The following QTMAN variants were observed in gnomAD, a reference collection of about 807,000 sequenced individuals.
The protein encoded by QTMAN is queuosine-tRNA mannosyltransferase.
At chr2:144,228,402 T>C in the QTMAN span, among the ~76,000 whole-genome samples, 1 of 152,228 alleles carries the variant, frequency 6.6e-6, no homozygotes, top group African/African-American at 2.4e-5. Flanking sequence ...TTCCTCCATA[T>C]AAATCCATTT....
At chr2:144,325,018 C>T in the QTMAN span, among the ~76,000 whole-genome samples, 1 of 152,160 alleles carries the variant, frequency 6.6e-6, no homozygotes, top group Non-Finnish European at 1.5e-5. Flanking sequence ...ATAAAATTTT[C>T]ATTTCAAGTT....
the QTMAN span, among the ~76,000 whole-genome samples, chr2:144,136,934 C>A: frequency 2.6e-5 from 4 of 152,038 alleles, no homozygotes; most frequent in African/African-American, 9.7e-5. Context: ...GGCCTGGAAG[C>A]CTTCAGTATG....
chr2:144,254,019 T>C, the QTMAN span, among the ~76,000 whole-genome samples: 3 of 152,234 alleles, frequency 2.0e-5, no homozygotes, highest in African/African-American at 7.2e-5. Context: ...GCTCCAGCCA[T>C]GGCTAAAAGG....
the QTMAN span, among the ~76,000 whole-genome samples, chr2:144,248,865 T>C: frequency 2.0e-5 from 3 of 152,184 alleles, no homozygotes; most frequent in Non-Finnish European, 4.4e-5. Flanking sequence ...ACATATACTG[T>C]CTCTCAAACT....
chr2:144,176,761 A>G, the QTMAN span, among the ~76,000 whole-genome samples: 2 of 152,214 alleles, frequency 1.3e-5, no homozygotes, highest in Non-Finnish European at 2.9e-5. Context: ...ACTACTACTG[A>G]AGGAATCACA....
At chr2:144,296,486 T>G in the QTMAN span, among the ~76,000 whole-genome samples, 1 of 152,178 alleles carries the variant, frequency 6.6e-6, no homozygotes, top group Non-Finnish European at 1.5e-5. Flanking sequence ...CCTTTGGCTA[T>G]AAAATTATGA....
At chr2:144,219,505 C>A in the QTMAN span, among the ~76,000 whole-genome samples, 2 of 151,426 alleles carry the variant, frequency 1.3e-5, no homozygotes, top group East Asian at 2.0e-4. Context: ...CTTTAACATC[C>A]AAATCAACAA....
At chr2:144,221,699 T>G in the QTMAN span, among the ~76,000 whole-genome samples, 1 of 152,248 alleles carries the variant, frequency 6.6e-6, no homozygotes, top group Non-Finnish European at 1.5e-5. Context: ...ACTTCCCAAT[T>G]ACTGAAGGCG....
chr2:144,111,100 T>G, the QTMAN span, among the ~76,000 whole-genome samples: 1 of 152,210 alleles, frequency 6.6e-6, no homozygotes, highest in Non-Finnish European at 1.5e-5. Flanking sequence ...AATTGATTCT[T>G]GGCATAAATT....
the QTMAN span, chr2:143,941,704 A>G: frequency 6.6e-6 from 1 of 151,146 alleles, no homozygotes; most frequent in Non-Finnish European, 1.5e-5. Context: ...AATTGGCCAC[A>G]CTACATAGTC....
chr2:144,321,796 TG>T, the QTMAN span, among the ~76,000 whole-genome samples: 1 of 151,996 alleles, frequency 6.6e-6, no homozygotes, highest in African/African-American at 2.4e-5. Flanking sequence ...TTTGTAGAGA[TG>T]GGGTCTGGCT....
chr2:144,120,867 C>A, the QTMAN span, among the ~76,000 whole-genome samples: 1 of 152,166 alleles, frequency 6.6e-6, no homozygotes, highest in Non-Finnish European at 1.5e-5. Context: ...AATAGTGTTT[C>A]ATCTTCGTTA....
chr2:144,220,764 G>C, the QTMAN span, among the ~76,000 whole-genome samples: 1 of 152,126 alleles, frequency 6.6e-6, no homozygotes. Context: ...CAAACAGCCT[G>C]AATTATTTTA....
At chr2:143,955,567 TA>T in the QTMAN span, among the ~76,000 whole-genome samples, 1 of 152,222 alleles carries the variant, frequency 6.6e-6, no homozygotes, top group African/African-American at 2.4e-5. Context: ...AATGTAACCA[TA>T]ATGTACTGGA....
chr2:144,175,156 G>A, the QTMAN span, among the ~76,000 whole-genome samples: 2 of 151,990 alleles, frequency 1.3e-5, no homozygotes, highest in Non-Finnish European at 2.9e-5. Context: ...GAGAATACAG[G>A]TAAGAAAAAA....
chr2:144,166,870 T>A, the QTMAN span, among the ~76,000 whole-genome samples: 1 of 152,156 alleles, frequency 6.6e-6, no homozygotes, highest in South Asian at 2.1e-4. Flanking sequence ...TAACCTATGC[T>A]TCAGCCACAC....
At chr2:144,193,843 T>G in the QTMAN span, among the ~76,000 whole-genome samples, 21 of 152,196 alleles carry the variant, frequency 1.4e-4, no homozygotes, top group Admixed American at 7.2e-4. Context: ...AATATTTGAT[T>G]GCTGATATTT....
the QTMAN span, among the ~76,000 whole-genome samples, chr2:144,264,958 A>G: frequency 6.6e-6 from 1 of 152,160 alleles, no homozygotes; most frequent in Non-Finnish European, 1.5e-5. Flanking sequence ...CAATCAATTG[A>G]CCTCCATATT....
At chr2:144,031,654 A>C in the QTMAN span, among the ~76,000 whole-genome samples, 2 of 152,234 alleles carry the variant, frequency 1.3e-5, no homozygotes, top group Non-Finnish European at 2.9e-5. Flanking sequence ...TGAAAACTTT[A>C]AGCCTAAGTC....
Sources: gnomAD v4.1 joint callset for allele counts (sites outside exome capture counted in the v4.1 genomes callset) on GRCh38, gnomAD v4.1.1 for gene constraint, MANE v1.5 for transcripts, NCBI Gene and HGNC (gene_info 2026-07-23, HGNC 2026-07-21) for gene names.